The following LYST variants were observed in gnomAD, a reference collection of about 807,000 sequenced individuals.
LYST encodes the protein lysosomal trafficking regulator.
In LYST, 192 loss-of-function variants were observed where a neutral mutation model predicts 413.6. The ratio of observed to expected loss-of-function variants is 0.46; its 90% CI spans 0.41 to 0.52. The LOEUF is 0.52. Ranked by LOEUF, LYST falls within the 20% of genes least tolerant of loss-of-function variation. The probability of loss-of-function intolerance (pLI) is 0.00; values close to 1 mark genes in which losing one functional copy is unlikely to be tolerated. For synonymous variants in LYST, 1,525 were observed against 1,567.3 expected (o/e 0.97, Z 0.64); for missense variants, 3,815 against 4,499.9 (o/e 0.85, Z 4.35).
chr1:235,727,815 G>T (rs374814184), intron 38 of LYST, among the ~76,000 whole-genome samples: 2 of 152,252 alleles, frequency 1.3e-5, no homozygotes, highest in South Asian at 2.1e-4. Flanking sequence ...AAGAAGGAAT[G>T]AACATAAATT....
At chr1:235,815,187 A>G (rs1673923506) in intron 3 of LYST, among the ~76,000 whole-genome samples, 1 of 152,158 alleles carries the variant, frequency 6.6e-6, no homozygotes, top group African/African-American at 2.4e-5. Flanking sequence ...CGTTAAACAA[A>G]TATTTCTTGA....
chr1:235,664,552 T>C lies in LYST; in HGVS notation c.11108A>G (p.Glu3703Gly), dbSNP rs1439317282. ...GGAGAAAGCCACGGAACAGATGATC[T>C]CCCTGCAGTGGACATGTCCAACGAG... ...GDLVGHVHCREIICSVAFSNQ... is the reference protein window; with the variant it reads ...GDLVGHVHCRGIICSVAFSNQ... Residue 3703 changes from glutamate (E) to glycine (G), a missense_variant, in exon 51 of 53, where the codon GAG (glutamate) becomes GGG (glycine). This residue lies in a region of LYST where 866 missense variants were observed against 1,156.0 expected (regional missense o/e 0.75). Transcript: ENST00000389793. The surrounding 1 kb of genome is among the most constrained non-coding windows in gnomAD (Gnocchi z 4.5). The C allele has an allele frequency of 6.2e-7, 1 of 1,614,128 alleles. No individual in the cohort carries two copies. Among genetic ancestry groups the C allele is most frequent in the Admixed American group, 1.7e-5 (1 of 60,020 alleles).
In LYST at chr1:235,662,856, T is replaced by C. The variant is rs1658140799; in HGVS notation, c.*84A>G. 4.9e-6 allele frequency: 4 copies of C among 815,348 alleles called. No individual in the cohort carries two copies. The highest frequency in any genetic ancestry group is 6.6e-6 in the Non-Finnish European group (3 of 451,490). The allele number at this position is 815,348 out of a possible 1,614,324, so 50.5% of individuals were successfully genotyped here. A position where few individuals can be genotyped will look rare whatever the true frequency, so the allele number is the denominator to read the frequency against. On this transcript the variant is annotated 3_prime_UTR_variant, in exon 53 of 53. Transcript: ENST00000389793. ...TGGTTTGTCCAGTCATCCATTTCTT[T>C]AGGTTCAACCTCCTAAAACTGGTGA...
At chr1:235,879,041 C>T (rs1681259555) in intron 1 of LYST, among the ~76,000 whole-genome samples, 1 of 152,104 alleles carries the variant, frequency 6.6e-6, no homozygotes, top group Non-Finnish European at 1.5e-5. Context: ...GGATCTTGTT[C>T]TATAGCCCTG....
At chr1:235,670,495 A>C (rs1452088976) in intron 50 of LYST, among the ~76,000 whole-genome samples, 1 of 152,216 alleles carries the variant, frequency 6.6e-6, no homozygotes, top group Non-Finnish European at 1.5e-5. Flanking sequence ...AGGGTCTCCA[A>C]TCATCTCTTG....
At position 235,774,998 on chromosome 1, in the gene LYST, T is replaced by C. The variant is rs185099858; in HGVS notation, c.5549A>G (p.His1850Arg). The C allele has an allele frequency of 8.0e-5, 128 of 1,609,772 alleles. No individual in the cohort carries two copies. Among genetic ancestry groups the C allele is most frequent in the Non-Finnish European group, 1.1e-4 (125 of 1,176,974 alleles). Reference protein sequence around the residue: ...SLIKYNQQRVHELENCNGLSM... With the variant: ...SLIKYNQQRVRELENCNGLSM... ...AAGTCCATTACAATTTTCTAATTCA[T>C]GTACTCTTTGTTGGTTGTATTTAAT... is the stretch of plus-strand genomic sequence containing the variant. Residue 1850 changes from histidine (H) to arginine (R), a missense_variant, in exon 18 of 53, where the codon CAT (histidine) becomes CGT (arginine). This residue lies in a region of LYST where 530 missense variants were observed against 696.5 expected (regional missense o/e 0.76). Transcript: ENST00000389793.
At chr1:235,665,699 T>G (rs1658388827) in intron 50 of LYST, among the ~76,000 whole-genome samples, 1 of 151,964 alleles carries the variant, frequency 6.6e-6, no homozygotes, top group Non-Finnish European at 1.5e-5. Context: ...AACTTAATTC[T>G]TAAAAAAAGA....
intron 28 of LYST, among the ~76,000 whole-genome samples, chr1:235,748,199 G>A (rs1380419514): frequency 6.6e-6 from 1 of 152,160 alleles, no homozygotes; most frequent in Non-Finnish European, 1.5e-5. Flanking sequence ...TAATTTAACT[G>A]TGTGTATGTG....
At chr1:235,669,730 G>C in intron 50 of LYST, among the ~76,000 whole-genome samples, 1 of 152,192 alleles carries the variant, frequency 6.6e-6, no homozygotes, top group East Asian at 1.9e-4. Context: ...TTGAGCCGCT[G>C]CTTGGGTCCA....
chr1:235,817,529 C>T (rs1364964650), intron 3 of LYST, among the ~76,000 whole-genome samples: 1 of 152,186 alleles, frequency 6.6e-6, no homozygotes, highest in East Asian at 1.9e-4. Flanking sequence ...AAATACTGTG[C>T]AGCCACAAAA....
At chr1:235,865,675 A>G (rs898325409) in intron 1 of LYST, among the ~76,000 whole-genome samples, 7 of 152,242 alleles carry the variant, frequency 4.6e-5, no homozygotes, top group Non-Finnish European at 8.8e-5. Context: ...AGCTCTTTAA[A>G]ACAGATACCC....
chr1:235,746,587 A>C, intron 28 of LYST, 60 bp from the exon 29 acceptor site: 1 of 1,334,548 alleles, frequency 7.5e-7, no homozygotes, highest in South Asian at 1.2e-5. Context: ...CAAGGAAACT[A>C]TTTTTGCTGA....
chr1:235,837,647 T>C (rs1676721187), intron 1 of LYST, among the ~76,000 whole-genome samples: 1 of 150,012 alleles, frequency 6.7e-6, no homozygotes, highest in African/African-American at 2.5e-5. Context: ...AAAAGAATTC[T>C]GAGAAGTTAA....
At chr1:235,818,353 T>C (rs933368215) in intron 3 of LYST, among the ~76,000 whole-genome samples, 2 of 152,160 alleles carry the variant, frequency 1.3e-5, no homozygotes, top group Non-Finnish European at 2.9e-5. Context: ...CTTCTCAGTC[T>C]TCTCTCAGGG....
intron 39 of LYST, among the ~76,000 whole-genome samples, chr1:235,722,303 T>A (rs1347753703): frequency 6.6e-6 from 1 of 152,218 alleles, no homozygotes; most frequent in African/African-American, 2.4e-5. Context: ...TGAAGGATTC[T>A]GAGCAGAGAA....
At position 235,664,505 on chromosome 1, in the gene LYST, T is replaced by C. The variant is rs1658272868; in HGVS notation, c.11155A>G (p.Ile3719Val). The C allele has an allele frequency of 6.2e-7, 1 of 1,614,170 alleles. No homozygotes were observed. The highest frequency in any genetic ancestry group is 8.5e-7 in the Non-Finnish European group (1 of 1,180,006). ...AFSNQPEGVS[I>V]NVIAGGLENG... ...TCTAATCCCCCAGCGATTACATTGA[T>C]AGATACTCCCTCAGGCTGGTTGGAG... is the stretch of plus-strand genomic sequence containing the variant. The change falls in exon 51 of 53, where the codon ATC becomes GTC. Residue 3719 changes from isoleucine to valine, a missense_variant. Ile to Val is a conservative substitution (Grantham distance 29). Coordinates refer to ENST00000389793, the MANE Select transcript of LYST (RefSeq NM_000081.4). The surrounding 1 kb of genome is among the most constrained non-coding windows in gnomAD (Gnocchi z 4.5).
At chr1:235,680,781 TAGAGA>T (rs1233494906) in intron 48 of LYST, among the ~76,000 whole-genome samples, 3 of 151,962 alleles carry the variant, frequency 2.0e-5, no homozygotes, top group Non-Finnish European at 4.4e-5. Flanking sequence ...GTATTTTTAG[TAGAGA>T]AGAGGTTTCC....
At chr1:235,721,922 C>T (rs1663401738) in intron 39 of LYST, among the ~76,000 whole-genome samples, 2 of 152,064 alleles carry the variant, frequency 1.3e-5, no homozygotes, top group African/African-American at 4.8e-5. Context: ...ATGCTGGATG[C>T]TAATACATCC....
Position 235,806,471 on chromosome 1 carries a change from C to T in LYST, c.2665G>A (p.Val889Ile). ...GTGTTGATATGAACATCTTGGTTAACAGTCTTCCGTCTCTTTGGATAAGCT... is the reference window on the plus strand; with the variant it reads ...GTGTTGATATGAACATCTTGGTTAATAGTCTTCCGTCTCTTTGGATAAGCT... ...KEAYPKRRKT[V>I]NQDVHINTIN... The change falls in exon 6 of 53, where the codon GTT becomes ATT. Residue 889 changes from valine to isoleucine, a missense_variant. By Grantham distance (29) the Val-to-Ile change is conservative. Transcript: ENST00000389793. The T allele has an allele frequency of 6.2e-7, 1 of 1,614,102 alleles. No homozygotes were observed. The highest frequency in any genetic ancestry group is 8.5e-7 in the Non-Finnish European group (1 of 1,179,978).
Sources: allele counts gnomAD v4.1 joint callset (sites outside exome capture counted in the v4.1 genomes callset), GRCh38; gene constraint gnomAD v4.1.1; regional missense constraint gnomAD v4.1.1; non-coding constraint Gnocchi (gnomAD v3.1); transcripts MANE v1.5; gene names NCBI Gene and HGNC (gene_info 2026-07-23, HGNC 2026-07-21).